Variants in TCF7L1 observed in about 807,000 individuals in gnomAD.
TCF7L1 encodes the protein transcription factor 7-like 1.
A neutral mutation model predicts 63.7 loss-of-function variants in TCF7L1; 18 were observed. That is an observed-to-expected ratio of 0.28 (90% CI 0.20 to 0.42). The LOEUF is 0.42. TCF7L1 is among the 10% of genes least tolerant of loss of function. TCF7L1 has a pLI of 1.00. For synonymous variants in TCF7L1, 355 were observed against 340.9 expected (o/e 1.04, Z -0.46); for missense variants, 654 against 779.3 (o/e 0.84, Z 1.91).
intron 3 of TCF7L1, among the ~76,000 whole-genome samples, chr2:85,209,925 CTG>C (rs2104288036): frequency 6.6e-6 from 1 of 152,264 alleles, no homozygotes; most frequent in African/African-American, 2.4e-5. Context: ...AATTAGGAAA[CTG>C]TTTTCATTTT....
chr2:85,252,240 C>T (rs1680607895), intron 3 of TCF7L1, among the ~76,000 whole-genome samples: 1 of 152,174 alleles, frequency 6.6e-6, no homozygotes, highest in African/African-American at 2.4e-5. Context: ...CCACATCCTC[C>T]CCACAGGCTA....
At chr2:85,184,270 A>G (rs1172044937) in intron 3 of TCF7L1, among the ~76,000 whole-genome samples, 1 of 152,094 alleles carries the variant, frequency 6.6e-6, no homozygotes, top group East Asian at 1.9e-4. Context: ...GAGCAGGAGG[A>G]GAGGACGCTG....
At chr2:85,160,000 G>A (rs1321728683) in intron 3 of TCF7L1, among the ~76,000 whole-genome samples, 3 of 152,244 alleles carry the variant, frequency 2.0e-5, no homozygotes, top group Admixed American at 6.5e-5. Flanking sequence ...GGGAGTTCAC[G>A]CCATGTCCCA....
chr2:85,158,718 T>C (rs903113593), intron 3 of TCF7L1, among the ~76,000 whole-genome samples: 61 of 152,246 alleles, frequency 4.0e-4, no homozygotes, highest in African/African-American at 1.4e-3. Flanking sequence ...AAAATGTGAT[T>C]ATGCCTCTCT....
chr2:85,309,142 T>G lies in TCF7L1; in HGVS notation c.1447T>G (p.Ser483Ala). 6.2e-7 allele frequency: 1 copy of G among 1,610,504 alleles called. No individual in the cohort carries two copies. The highest frequency in any genetic ancestry group is 8.5e-7 in the Non-Finnish European group (1 of 1,179,194). Residue 483 changes from serine (S) to alanine (A), a missense_variant, in exon 12 of 12, where the codon TCT becomes GCT. By Grantham distance (99) the Ser-to-Ala change is moderately conservative (BLOSUM62 1). Around this residue, in one of 3 missense-constraint regions of TCF7L1, gnomAD observed 184 missense variants for 204.0 expected, o/e 0.90. Coordinates refer to ENST00000282111, the MANE Select transcript of TCF7L1 (RefSeq NM_031283.3). ...GSMLDSPATP[S>A]AALASPAAPA... is the part of the protein sequence containing the mutation. The stretch of plus-strand genomic sequence containing the variant: ...CATGCTGGACTCCCCGGCCACTCCC[T>G]CTGCAGCTTTGGCCTCACCAGCTGC...
At chr2:85,222,764 G>A (rs1679875575) in intron 3 of TCF7L1, among the ~76,000 whole-genome samples, 1 of 151,868 alleles carries the variant, frequency 6.6e-6, no homozygotes, top group Non-Finnish European at 1.5e-5. Context: ...ATTGGATCCT[G>A]ATTGGAATAA....
At position 85,154,578 on chromosome 2, in the gene TCF7L1, T is replaced by C. The variant is rs1284269166; in HGVS notation, c.441+20128T>C. Among the ~76,000 whole-genome samples, 7 of 152,304 alleles carry C rather than the reference T, an allele frequency of 4.6e-5. No homozygotes were observed. In the East Asian group the frequency reaches 9.7e-4, roughly 21 times the overall value. On this transcript the variant is annotated intron_variant, in intron 3 of 11. Transcript: ENST00000282111. ...CCCATGCGTAAGTCTCACCTCATAC[T>C]TCCCTGCCTCCCAGCCTTAGATGTG...
At chr2:85,183,458 C>T (rs1289139920) in intron 3 of TCF7L1, among the ~76,000 whole-genome samples, 1 of 152,138 alleles carries the variant, frequency 6.6e-6, no homozygotes, top group Non-Finnish European at 1.5e-5. Context: ...ACCTGATGGA[C>T]TTTGCTTCTG....
chr2:85,251,303 A>G (rs1258639887), intron 3 of TCF7L1, among the ~76,000 whole-genome samples: 2 of 152,224 alleles, frequency 1.3e-5, no homozygotes, highest in East Asian at 1.9e-4. Flanking sequence ...TTAATGACCC[A>G]TATCCGGATA....
At chr2:85,164,310 C>A (rs1446310886) in intron 3 of TCF7L1, among the ~76,000 whole-genome samples, 1 of 152,188 alleles carries the variant, frequency 6.6e-6, no homozygotes, top group Non-Finnish European at 1.5e-5. Context: ...AATTTCCTCA[C>A]AGTGGCAGCA....
chr2:85,309,224 A>C lies in TCF7L1; in HGVS notation c.1529A>C (p.Glu510Ala). ...CCCCTCTCCCTCACCACCAAACCAG[A>C]AACCCGGGCCCAGCTGGCTCTCCAC... ...AQPLSLTTKP[E>A]TRAQLALHSA... Residue 510 changes from glutamate (E) to alanine (A), a missense_variant, in exon 12 of 12, where the codon GAA (glutamate) becomes GCA (alanine). Glu to Ala is a moderately radical substitution (Grantham distance 107). Coordinates refer to ENST00000282111, the MANE Select transcript of TCF7L1 (RefSeq NM_031283.3). The C allele has an allele frequency of 6.2e-7, 1 of 1,613,822 alleles. No individual in the cohort carries two copies. Among genetic ancestry groups the C allele is most frequent in the Non-Finnish European group, 8.5e-7 (1 of 1,179,980 alleles).
intron 3 of TCF7L1, among the ~76,000 whole-genome samples, chr2:85,277,565 C>T (rs1357968003): frequency 1.3e-5 from 2 of 152,088 alleles, no homozygotes; most frequent in Admixed American, 6.5e-5. Context: ...CAGGAAGGAC[C>T]GGTCACCAAA....
At chr2:85,280,515 A>G (rs563866779) in intron 3 of TCF7L1, among the ~76,000 whole-genome samples, 1 of 152,342 alleles carries the variant, frequency 6.6e-6, no homozygotes, top group South Asian at 2.1e-4. Flanking sequence ...TAAGCCAACA[A>G]GAATGAATGT....
At chr2:85,276,878 T>A (rs959150633) in intron 3 of TCF7L1, among the ~76,000 whole-genome samples, 3 of 152,086 alleles carry the variant, frequency 2.0e-5, no homozygotes, top group African/African-American at 7.2e-5. Context: ...CGTGTACCGC[T>A]TCTCGAGAGC....
chr2:85,154,191 C>T (rs546479990), intron 3 of TCF7L1, among the ~76,000 whole-genome samples: 9 of 152,236 alleles, frequency 5.9e-5, no homozygotes, highest in South Asian at 2.1e-4. Flanking sequence ...GAGGCCATAT[C>T]GTTTTATAGG....
At chr2:85,298,440 G>A (rs1490728170) in intron 4 of TCF7L1, among the ~76,000 whole-genome samples, 5 of 138,848 alleles carry the variant, frequency 3.6e-5, no homozygotes, top group Admixed American at 7.5e-5. Context: ...GCAGTGAGTC[G>A]AGACTGCACT....
intron 3 of TCF7L1, among the ~76,000 whole-genome samples, chr2:85,260,511 C>T (rs1382437954): frequency 4.0e-5 from 6 of 151,614 alleles, no homozygotes; most frequent in Non-Finnish European, 7.4e-5. Flanking sequence ...CATGGTGGTG[C>T]GTGCATGTAG....
intron 3 of TCF7L1, among the ~76,000 whole-genome samples, chr2:85,258,391 C>T (rs1680774127): frequency 6.6e-6 from 1 of 152,188 alleles, no homozygotes; most frequent in Non-Finnish European, 1.5e-5. Context: ...CACCAAGCCA[C>T]TGGTGTGCAC....
intron 3 of TCF7L1, among the ~76,000 whole-genome samples, chr2:85,172,457 C>G (rs147334010): frequency 6.6e-6 from 1 of 152,212 alleles, no homozygotes; most frequent in Non-Finnish European, 1.5e-5. Context: ...GAGACAGTCT[C>G]GCTCTGTCGC....
Sources: gnomAD v4.1 joint callset for allele counts (sites outside exome capture counted in the v4.1 genomes callset) on GRCh38, gnomAD v4.1.1 for gene constraint, gnomAD v4.1.1 regional missense constraint, MANE v1.5 for transcripts, NCBI Gene and HGNC (gene_info 2026-07-23, HGNC 2026-07-21) for gene names.